The following MAP3K3 variants were observed in gnomAD, a reference collection of about 807,000 sequenced individuals.
The protein encoded by MAP3K3 is mitogen-activated protein kinase kinase kinase 3.
In MAP3K3, 12 loss-of-function variants were observed where a neutral mutation model predicts 80.9. The observed-to-expected ratio is 0.15, with a 90% confidence interval of 0.10 to 0.24. MAP3K3 has a LOEUF of 0.24. Among genes scored for constraint, MAP3K3 ranks in the 10% least tolerant of loss-of-function variants. MAP3K3 has a pLI of 1.00. For missense variants in MAP3K3, 596 were observed against 834.7 expected (o/e 0.71, Z 3.52); for synonymous variants, 272 against 307.1 (o/e 0.89, Z 1.19).
Position 63,692,549 on chromosome 17 carries a change from A to C in MAP3K3, c.1652+130A>C, listed in dbSNP as rs1304396388. On this transcript the variant is annotated intron_variant, in intron 15 of 15. Transcript: ENST00000361733. This position sits in a 1 kb window ranked among gnomAD's most constrained non-coding sequence, Gnocchi z 4.5. ...CCAGGGCCCAGGCTGCAGTGTGTGC[A>C]AGGGTATTATTGGGTGCAGTAGCAC... 1.0e-6 allele frequency: 1 copy of C among 961,428 alleles called. No individual in the cohort carries two copies. The highest frequency in any genetic ancestry group is 1.5e-6 in the Non-Finnish European group (1 of 663,722). The allele number at this position is 961,428 out of a possible 1,614,324, so 59.6% of individuals were successfully genotyped here.
chr17:63,688,711 A>G (rs2035515717), intron 9 of MAP3K3, 78 bp from the exon 10 acceptor site: 4 of 1,407,974 alleles, frequency 2.8e-6, no homozygotes, highest in Middle Eastern at 3.5e-4. Flanking sequence ...TTGAGGTCTC[A>G]GGTGCCTTGG....
In MAP3K3 at chr17:63,657,785, G is replaced by T; in HGVS notation, c.268-9G>T. 1 of 1,289,258 alleles carries T rather than the reference G, an allele frequency of 7.8e-7. No individual in the cohort carries two copies. Among genetic ancestry groups the T allele is most frequent in the Non-Finnish European group, 1.1e-6 (1 of 892,964 alleles). The allele number at this position is 1,289,258 out of a possible 1,614,324, so 79.9% of individuals were successfully genotyped here. ...ATATTATTTTCCTTTTCTATGTCTT[G>T]TATCACAGCTCTCCATCCTGCTGAA... On this transcript the variant is annotated splice_polypyrimidine_tract_variant and intron_variant, in intron 4 of 15. Transcript: ENST00000361733.
intron 2 of MAP3K3, among the ~76,000 whole-genome samples, chr17:63,639,445 T>G (rs1461347487): frequency 6.6e-6 from 1 of 152,174 alleles, no homozygotes; most frequent in Non-Finnish European, 1.5e-5. Flanking sequence ...TGAGCCTAAA[T>G]CCCAGAGGGC....
chr17:63,665,679 G>C (rs560122367), intron 5 of MAP3K3, among the ~76,000 whole-genome samples: 1 of 152,240 alleles, frequency 6.6e-6, no homozygotes, highest in African/African-American at 2.4e-5. Context: ...GGCTTTGACT[G>C]TTGTTTCCTT....
At chr17:63,674,741 G>T (rs1309777759) in intron 6 of MAP3K3, among the ~76,000 whole-genome samples, 2 of 152,246 alleles carry the variant, frequency 1.3e-5, no homozygotes, top group East Asian at 1.9e-4. Flanking sequence ...ATGAAGAGGA[G>T]ACCATGGGGG....
rs906129107 is a variant in MAP3K3, at chr17:63,689,392, A to T, written c.872-152A>T. On this transcript the variant is annotated intron_variant, in intron 10 of 15. Coordinates refer to ENST00000361733, the MANE Select transcript of MAP3K3 (RefSeq NM_002401.5). The surrounding 1 kb of genome is among the most constrained non-coding windows in gnomAD (Gnocchi z 4.3). ...TGAGTCAGGTGGGAGTGCGGACGGG[A>T]TGGGCTGGAGCTGGTATTATCTATC... 3.2e-6 allele frequency: 2 copies of T among 630,450 alleles called. No individual in the cohort carries two copies. The highest frequency in any genetic ancestry group is 2.7e-6 in the Non-Finnish European group (1 of 366,090). 39.1% of individuals were successfully genotyped at this position (630,450 alleles called of 1,614,324 possible). A position where few individuals can be genotyped will look rare whatever the true frequency, so the allele number is the denominator to read the frequency against.
intron 5 of MAP3K3, among the ~76,000 whole-genome samples, chr17:63,659,949 C>G (rs894405682): frequency 6.6e-6 from 1 of 152,084 alleles, no homozygotes; most frequent in Non-Finnish European, 1.5e-5. Flanking sequence ...ATCACTCTGC[C>G]AAATTGCTCT....
chr17:63,631,215 G>T (rs562004480), intron 1 of MAP3K3, among the ~76,000 whole-genome samples: 1 of 152,192 alleles, frequency 6.6e-6, no homozygotes, highest in Admixed American at 6.5e-5. Context: ...GAGCCTGGGG[G>T]TGGAGGAGGC....
In MAP3K3 at chr17:63,692,390, C is replaced by T. The variant is rs1406277976; in HGVS notation, c.1623C>T (p.Gly541=). The T allele has an allele frequency of 3.7e-6, 6 of 1,610,002 alleles. No individual in the cohort carries two copies. Among genetic ancestry groups the T allele is most frequent in the Non-Finnish European group, 4.2e-6 (5 of 1,177,626 alleles). The change falls in exon 15 of 16, where the codon GGC becomes GGT. Residue 541 remains glycine (G), a synonymous_variant. Coordinates refer to ENST00000361733, the MANE Select transcript of MAP3K3 (RefSeq NM_002401.5). This position sits in a 1 kb window ranked among gnomAD's most constrained non-coding sequence, Gnocchi z 4.5. ...PYWMSPEVIS[G]EGYGRKADVW... is the part of the protein sequence containing the mutation. ...GGATGAGCCCTGAGGTGATCAGCGG[C>T]GAGGGCTATGGAAGGAAAGCAGACG...
rs1343860486 is a variant in MAP3K3, at chr17:63,693,302, A to G, written c.1653-247A>G. On this transcript the variant is annotated intron_variant, in intron 15 of 15. Coordinates refer to ENST00000361733, the MANE Select transcript of MAP3K3 (RefSeq NM_002401.5). The surrounding 1 kb of genome is among the most constrained non-coding windows in gnomAD (Gnocchi z 4.2). ...GCAGCTATGGGTAGCTAATACAGTT[A>G]TTGTAGAGTTCTTTCTGTCAAGTCT... Among the ~76,000 whole-genome samples the G allele has an allele frequency of 6.6e-6, 1 of 152,170 alleles. No individual in the cohort carries two copies. Among genetic ancestry groups the G allele is most frequent in the Non-Finnish European group, 1.5e-5 (1 of 68,032 alleles).
In MAP3K3 at chr17:63,685,610, T is replaced by G; in HGVS notation, c.710+20T>G. Reference sequence around the variant, plus strand: ...AGACAGGTATGGGACTGTGGGTGGTTTGGAGGGTAATGCATAGGCATTTTT... The same window carrying G: ...AGACAGGTATGGGACTGTGGGTGGTGTGGAGGGTAATGCATAGGCATTTTT... On this transcript the variant is annotated intron_variant, in intron 8 of 15. Coordinates refer to ENST00000361733, the MANE Select transcript of MAP3K3 (RefSeq NM_002401.5). The G allele has an allele frequency of 6.2e-7, 1 of 1,611,202 alleles. No individual in the cohort carries two copies. Among genetic ancestry groups the G allele is most frequent in the South Asian group, 1.1e-5 (1 of 91,030 alleles).
At chr17:63,634,929 A>T in intron 2 of MAP3K3, 1 of 801,276 alleles carries the variant, frequency 1.2e-6, no homozygotes, top group Non-Finnish European at 2.1e-6. Flanking sequence ...GTTACCCGTG[A>T]CCTGTGTTCA....
chr17:63,637,679 T>A (rs1351049376), intron 2 of MAP3K3, among the ~76,000 whole-genome samples: 2 of 152,210 alleles, frequency 1.3e-5, no homozygotes, highest in Non-Finnish European at 2.9e-5. Flanking sequence ...TTTTCTCTCT[T>A]TATGGGATTA....
intron 2 of MAP3K3, among the ~76,000 whole-genome samples, chr17:63,637,859 C>T (rs1008740982): frequency 6.6e-6 from 1 of 152,258 alleles, no homozygotes; most frequent in Admixed American, 6.5e-5. Context: ...TGGATCTAAC[C>T]CTCCAGATGT....
rs769441109 is a variant in MAP3K3, at chr17:63,695,213, G to A, written c.*1436G>A. 7.9e-5 allele frequency: 12 copies of A among 152,694 alleles called. No homozygotes were observed. Among genetic ancestry groups the A allele is most frequent in the African/African-American group, 2.6e-4 (11 of 41,532 alleles). The allele number at this position is 152,694 out of a possible 1,614,324, so 9.5% of individuals were successfully genotyped here. On this transcript the variant is annotated 3_prime_UTR_variant, in exon 16 of 16. Transcript: ENST00000361733. This position sits in a 1 kb window ranked among gnomAD's most constrained non-coding sequence, Gnocchi z 4.1. ...GGGCACAGAACAAGCCAAAGCCTTC[G>A]TTGTATGTTGACGATGCACTTTTAT... is the stretch of plus-strand genomic sequence containing the variant.
intron 1 of MAP3K3, among the ~76,000 whole-genome samples, chr17:63,627,675 C>G (rs897484842): frequency 6.6e-6 from 1 of 152,102 alleles, no homozygotes; most frequent in African/African-American, 2.4e-5. Flanking sequence ...CTCCTGACTG[C>G]AGCTGATCCA....
chr17:63,691,777 G>A lies in MAP3K3; in HGVS notation c.1389G>A (p.Glu463=). ...DQLKAYGALT[E]SVTRKYTRQI... is the part of the protein sequence containing the mutation. ...TGAAGGCTTACGGTGCTCTGACAGA[G>A]AGCGTGACCCGAAAGTACACGCGGC... Residue 463 remains glutamate (E), a synonymous_variant, in exon 14 of 16, where the codon GAG becomes GAA. Transcript: ENST00000361733. This position sits in a 1 kb window ranked among gnomAD's most constrained non-coding sequence, Gnocchi z 4.8. 6.2e-7 allele frequency: 1 copy of A among 1,614,086 alleles called. No individual in the cohort carries two copies. Among genetic ancestry groups the A allele is most frequent in the Non-Finnish European group, 8.5e-7 (1 of 1,180,012 alleles).
At position 63,689,294 on chromosome 17, in the gene MAP3K3, T is replaced by C; in HGVS notation, c.872-250T>C. 1 of 557,518 alleles carries C rather than the reference T, an allele frequency of 1.8e-6. No individual in the cohort carries two copies. The highest frequency in any genetic ancestry group is 3.0e-5 in the East Asian group (1 of 33,214). 34.5% of individuals were successfully genotyped at this position (557,518 alleles called of 1,614,324 possible). On this transcript the variant is annotated intron_variant, in intron 10 of 15. Transcript: ENST00000361733. This position sits in a 1 kb window ranked among gnomAD's most constrained non-coding sequence, Gnocchi z 4.3. ...CACCTTCCCTTTGGCCAGATCTCCC[T>C]GAACCAGACTACTTCCTAATTTCTG...
intron 6 of MAP3K3, among the ~76,000 whole-genome samples, chr17:63,673,650 C>A (rs948726630): frequency 2.0e-5 from 3 of 152,134 alleles, no homozygotes; most frequent in Non-Finnish European, 4.4e-5. Context: ...GTGGCTCATG[C>A]CTATAATCTT....
Sources: gnomAD v4.1 joint callset for allele counts (sites outside exome capture counted in the v4.1 genomes callset) on GRCh38, gnomAD v4.1.1 for gene constraint, Gnocchi (gnomAD v3.1) non-coding constraint, MANE v1.5 for transcripts, NCBI Gene and HGNC (gene_info 2026-07-23, HGNC 2026-07-21) for gene names.